The following BRICD5 variants were observed in gnomAD, a reference collection of about 807,000 sequenced individuals.
The protein encoded by BRICD5 is BRICHOS domain containing 5.
BRICD5 carries 51 observed loss-of-function variants against 28.4 expected under a neutral mutation model. That is an observed-to-expected ratio of 1.80 (90% CI 1.43 to 2.27). The LOEUF is 2.27. Among genes scored for constraint, BRICD5 ranks in the 30% most tolerant of loss-of-function variants. The pLI, the probability that BRICD5 is intolerant of heterozygous loss-of-function variation, is 0.00. For missense variants in BRICD5, 456 were observed against 309.6 expected (o/e 1.47, Z -3.55); for synonymous variants, 177 against 130.2 (o/e 1.36, Z -2.44).
rs1178440416 is a variant in BRICD5, at chr16:2,210,861, A to G, written c.-28T>C. On this transcript the variant is annotated 5_prime_UTR_variant, in exon 1 of 6. Transcript: ENST00000328540. ...TGCAGCCCCTGCTCACAATGTGCCG[A>G]TTGTCTGCGTCCCTTGTCTGCAGCC... The G allele has an allele frequency of 6.3e-7, 1 of 1,599,566 alleles. No individual in the cohort carries two copies. The highest frequency in any genetic ancestry group is 8.5e-7 in the Non-Finnish European group (1 of 1,179,740).
rs531921138 is a variant in BRICD5 at position 2,209,799 on chromosome 16, C to T, written c.439-93G>A. The T allele has an allele frequency of 2.0e-5, 29 of 1,424,062 alleles. No individual in the cohort carries two copies. The African/African-American group carries it at 2.7e-4, about 13-fold the overall frequency. The allele number at this position is 1,424,062 out of a possible 1,614,324, so 88.2% of individuals were successfully genotyped here. On this transcript the variant is annotated intron_variant, in intron 4 of 5. Coordinates refer to ENST00000328540, the MANE Select transcript of BRICD5 (RefSeq NM_182563.4). ...TACCCTCCAACCCCCAGTGATGTCCCCACCCTCAGCTCTTGTCAGCAGCCT... is the reference window on the plus strand; with the variant it reads ...TACCCTCCAACCCCCAGTGATGTCCTCACCCTCAGCTCTTGTCAGCAGCCT...
chr16:2,209,811 C>T, intron 4 of BRICD5, 105 bp from the exon 5 acceptor site: 1 of 1,414,624 alleles, frequency 7.1e-7, no homozygotes, highest in South Asian at 1.4e-5. Flanking sequence ...ACCCTCAGCT[C>T]TTGTCAGCAG....
chr16:2,210,660 C>T lies in BRICD5; in HGVS notation c.52-10G>A, dbSNP rs1192513412. 6.2e-7 allele frequency: 1 copy of T among 1,610,436 alleles called. No individual in the cohort carries two copies. Among genetic ancestry groups the T allele is most frequent in the Non-Finnish European group, 8.5e-7 (1 of 1,178,270 alleles). ...AGGGCTTGGTCTTCACCTGGGCGTG[C>T]ATCAGGGTCAGAAGGGTCATGAGGG... On this transcript the variant is annotated splice_polypyrimidine_tract_variant and intron_variant, in intron 1 of 5. Transcript: ENST00000328540.
Position 2,210,668 on chromosome 16 carries a change from T to G in BRICD5, c.52-18A>C, listed in dbSNP as rs779902576. 6.2e-7 allele frequency: 1 copy of G among 1,610,270 alleles called. No homozygotes were observed. Among genetic ancestry groups the G allele is most frequent in the Non-Finnish European group, 8.5e-7 (1 of 1,178,376 alleles). The stretch of plus-strand genomic sequence containing the variant: ...GTCTTCACCTGGGCGTGCATCAGGG[T>G]CAGAAGGGTCATGAGGGTTAGACAT... On this transcript the variant is annotated intron_variant, in intron 1 of 5. Coordinates refer to ENST00000328540, the MANE Select transcript of BRICD5 (RefSeq NM_182563.4).
rs1034187147 is a variant in BRICD5 at position 2,210,795 on chromosome 16, A to C, written c.39T>G (p.Pro13=). 9 of 1,605,724 alleles carry C rather than the reference A, an allele frequency of 5.6e-6. No individual in the cohort carries two copies. The highest frequency in any genetic ancestry group is 7.6e-6 in the Non-Finnish European group (9 of 1,179,928). ...PASCCAERPK[P]GPTGVKTKPS... is the part of the protein sequence containing the mutation. ...GGGAGGCACTCACCCCTGTAGGCCCAGGTTTGGGGCGCTCAGCACAGCAGC... is the reference window on the plus strand; with the variant it reads ...GGGAGGCACTCACCCCTGTAGGCCCCGGTTTGGGGCGCTCAGCACAGCAGC... Residue 13 remains proline, a synonymous_variant, in exon 1 of 6, where the codon CCT becomes CCG. Coordinates refer to ENST00000328540, the MANE Select transcript of BRICD5 (RefSeq NM_182563.4).
Position 2,210,239 on chromosome 16 carries a change from T to G in BRICD5, c.223A>C (p.Met75Leu). The G allele has an allele frequency of 3.2e-6, 5 of 1,559,654 alleles. No homozygotes were observed. Among genetic ancestry groups the G allele is most frequent in the Non-Finnish European group, 4.3e-6 (5 of 1,154,714 alleles). ...TLRMTLPSPH[M>L]PRPNQTILVD... is the part of the protein sequence containing the mutation. ...AGGATGGTTTGGTTGGGCCGGGGCA[T>G]GTGGGGGCTCGGGAGGGTCATTCGC... The change falls in exon 3 of 6, where the codon ATG becomes CTG. Residue 75 changes from methionine to leucine, a missense_variant. Met to Leu is a conservative substitution (Grantham distance 15). Coordinates refer to ENST00000328540, the MANE Select transcript of BRICD5 (RefSeq NM_182563.4).
In BRICD5 at chr16:2,209,721, C is replaced by T. The variant is rs774437057; in HGVS notation, c.439-15G>A. ...GCCTCTTGGACCTGTTGAGAAGGCT[C>T]TGGTGGGCGGTGGGACAGGGCTGCT... On this transcript the variant is annotated splice_polypyrimidine_tract_variant and intron_variant, in intron 4 of 5. Transcript: ENST00000328540. The T allele has an allele frequency of 6.3e-7, 1 of 1,595,824 alleles. No individual in the cohort carries two copies. The highest frequency in any genetic ancestry group is 8.6e-7 in the Non-Finnish European group (1 of 1,169,340).
In BRICD5 at chr16:2,210,377, C is replaced by A. The variant is rs569721982; in HGVS notation, c.181-96G>T. On this transcript the variant is annotated intron_variant, in intron 2 of 5. Coordinates refer to ENST00000328540, the MANE Select transcript of BRICD5 (RefSeq NM_182563.4). ...GGACTCCTGACACCCCTGAGTGGGCCCTTCCACCCCTTGGTCCTCTGGCTG... is the reference window on the plus strand; with the variant it reads ...GGACTCCTGACACCCCTGAGTGGGCACTTCCACCCCTTGGTCCTCTGGCTG... The A allele has an allele frequency of 2.9e-5, 44 of 1,531,204 alleles. No individual in the cohort carries two copies. The South Asian group carries it at 5.1e-4, about 18-fold the overall frequency. The allele number at this position is 1,531,204 out of a possible 1,614,324, so 94.9% of individuals were successfully genotyped here. A position where few individuals can be genotyped will look rare whatever the true frequency, so the allele number is the denominator to read the frequency against.
rs1414690473 is a variant in BRICD5, at chr16:2,210,186, G to A, written c.276C>T (p.Thr92=). The A allele has an allele frequency of 7.5e-6, 12 of 1,603,712 alleles. No individual in the cohort carries two copies. The highest frequency in any genetic ancestry group is 1.0e-5 in the Non-Finnish European group (12 of 1,176,670). Residue 92 remains threonine (T), a synonymous_variant, in exon 3 of 6, where the codon ACC becomes ACT. Coordinates refer to ENST00000328540, the MANE Select transcript of BRICD5 (RefSeq NM_182563.4). ...TGCTCTGAGGTGGGGTCACTGTGAT[G>A]GTCGCCGCGTTCCGGGCCACGTCCA... ...ILVDVARNAA[T]ITVTPPQSNH...
Position 2,209,694 on chromosome 16 carries a change from A to G in BRICD5, c.451T>C (p.Trp151Arg), listed in dbSNP as rs760060868. The G allele has an allele frequency of 1.2e-6, 2 of 1,611,492 alleles. No homozygotes were observed. Among genetic ancestry groups the G allele is most frequent in the Non-Finnish European group, 1.7e-6 (2 of 1,178,890 alleles). The change falls in exon 5 of 6, where the codon TGG becomes CGG. Residue 151 changes from tryptophan to arginine, a missense_variant. Transcript: ENST00000328540. ...TGGTGGGTGTCCTGGCTGGGGACCCAAGCCTCTTGGACCTGTTGAGAAGGC... is the reference window on the plus strand; with the variant it reads ...TGGTGGGTGTCCTGGCTGGGGACCCGAGCCTCTTGGACCTGTTGAGAAGGC... ...LVDTSKVQEA[W>R]VPSQDTHHTQ...
At chr16:2,210,745 C>G in intron 1 of BRICD5, 38 bp downstream of exon 1, 1 of 1,608,976 alleles carries the variant, frequency 6.2e-7, no homozygotes, top group Non-Finnish European at 8.5e-7. Context: ...TGGGGCACCC[C>G]CTGGGTCCTT....
Position 2,209,275 on chromosome 16 carries a change from T to G in BRICD5, c.*87A>C. The G allele has an allele frequency of 8.0e-7, 1 of 1,248,128 alleles. No individual in the cohort carries two copies. Among genetic ancestry groups the G allele is most frequent in the Non-Finnish European group, 1.1e-6 (1 of 873,270 alleles). The allele number at this position is 1,248,128 out of a possible 1,614,324, so 77.3% of individuals were successfully genotyped here. Reference sequence around the variant, plus strand: ...ATGGCCAGGTGGAAGGGTTTATTAGTCCCTGCCAGCAGCTGTCCTCCCTGG... The same window carrying G: ...ATGGCCAGGTGGAAGGGTTTATTAGGCCCTGCCAGCAGCTGTCCTCCCTGG... On this transcript the variant is annotated 3_prime_UTR_variant, in exon 6 of 6. Coordinates refer to ENST00000328540, the MANE Select transcript of BRICD5 (RefSeq NM_182563.4).
rs141159888 is a variant in BRICD5, at chr16:2,209,635, G to C, written c.510C>G (p.Leu170=). The part of the protein sequence containing the change: ...TQELLAVQGS[L]EVDPAQAGAL... The stretch of plus-strand genomic sequence containing the variant: ...CCCCCGCCTGGGCGGGGTCCACTTC[G>C]AGGCTCCCCTGCACTGCCAGCAGCT... The change falls in exon 5 of 6, where the codon CTC becomes CTG. Residue 170 remains leucine (L), a synonymous_variant. Transcript: ENST00000328540. 1.9e-6 allele frequency: 3 copies of C among 1,613,254 alleles called. No homozygotes were observed. The highest frequency in any genetic ancestry group is 1.7e-5 in the Admixed American group (1 of 59,998).
chr16:2,210,015 A>G lies in BRICD5; in HGVS notation c.373T>C (p.Cys125Arg), dbSNP rs761766985. 2.5e-6 allele frequency: 4 copies of G among 1,568,634 alleles called. No homozygotes were observed. In the South Asian group the frequency reaches 4.6e-5, roughly 18 times the overall value. ...ICYRPEEHQVCFLRLMEDSDR... is the reference protein window; with the variant it reads ...ICYRPEEHQVRFLRLMEDSDR... The stretch of plus-strand genomic sequence containing the variant: ...CTGTCCTCCATCAGGCGGAGGAAGC[A>G]GACCTGGTGCTCCTCAGGGCGGTAA... The change falls in exon 4 of 6, where the codon TGC becomes CGC. Residue 125 changes from cysteine to arginine, a missense_variant. By Grantham distance (180) the Cys-to-Arg change is radical (BLOSUM62 -3). Coordinates refer to ENST00000328540, the MANE Select transcript of BRICD5 (RefSeq NM_182563.4).
Position 2,209,978 on chromosome 16 carries a change from G to A in BRICD5, c.410C>T (p.Thr137Ile), listed in dbSNP as rs781555651. The A allele has an allele frequency of 1.9e-6, 3 of 1,538,578 alleles. No individual in the cohort carries two copies. The highest frequency in any genetic ancestry group is 2.6e-6 in the Non-Finnish European group (3 of 1,139,204). Residue 137 changes from threonine (T) to isoleucine (I), a missense_variant, in exon 4 of 6, where the codon ACC becomes ATC. Thr to Ile is a moderately conservative substitution (Grantham distance 89, BLOSUM62 -1). Transcript: ENST00000328540. ...GGAGGTATCCACCAGCAGCCGCAGG[G>A]TCTCCCGATCACTGTCCTCCATCAG... Reference protein sequence around the residue: ...LRLMEDSDRETLRLLVDTSKV... With the variant: ...LRLMEDSDREILRLLVDTSKV...
At position 2,209,592 on chromosome 16, in the gene BRICD5, A is replaced by G. The variant is rs1193680749; in HGVS notation, c.553T>C (p.Cys185Arg). The change falls in exon 5 of 6, where the codon TGC becomes CGC. Residue 185 changes from cysteine (C) to arginine (R), a missense_variant. Coordinates refer to ENST00000328540, the MANE Select transcript of BRICD5 (RefSeq NM_182563.4). Reference sequence around the variant, plus strand: ...GCCCAGTAGATGGGGGTCCTCATGCACAGGCGCTGCACCAAAGCCCCCGCC... The same window carrying G: ...GCCCAGTAGATGGGGGTCCTCATGCGCAGGCGCTGCACCAAAGCCCCCGCC... ...AQAGALVQRL[C>R]MRTPIYWARR... The G allele has an allele frequency of 6.2e-7, 1 of 1,612,352 alleles. No homozygotes were observed. The highest frequency in any genetic ancestry group is 8.5e-7 in the Non-Finnish European group (1 of 1,179,946).
Position 2,209,691 on chromosome 16 carries a change from C to T in BRICD5, c.454G>A (p.Val152Ile), listed in dbSNP as rs1386854908. The T allele has an allele frequency of 1.9e-6, 3 of 1,611,498 alleles. No homozygotes were observed. Among genetic ancestry groups the T allele is most frequent in the African/African-American group, 2.7e-5 (2 of 74,842 alleles). ...GTGTGGTGGGTGTCCTGGCTGGGGA[C>T]CCAAGCCTCTTGGACCTGTTGAGAA... Reference protein sequence around the residue: ...VDTSKVQEAWVPSQDTHHTQE... With the variant: ...VDTSKVQEAWIPSQDTHHTQE... The change falls in exon 5 of 6, where the codon GTC (valine) becomes ATC (isoleucine). Residue 152 changes from valine to isoleucine, a missense_variant. Transcript: ENST00000328540.
intron 4 of BRICD5, 47 bp downstream of exon 4, chr16:2,209,903 C>G: frequency 8.2e-6 from 12 of 1,469,450 alleles, no homozygotes; most frequent in Non-Finnish European, 1.1e-5. Context: ...ACACAGGACC[C>G]TTTGTCTAGC....
rs538121092 is a variant in BRICD5 at position 2,209,528 on chromosome 16, T to C, written c.592+25A>G. On this transcript the variant is annotated intron_variant, in intron 5 of 5. Transcript: ENST00000328540. ...CTCAAACCATCCCGAGGGCCTGGCCTTCCCCCACAGCGGTCCTGACTCACC... is the reference window on the plus strand; with the variant it reads ...CTCAAACCATCCCGAGGGCCTGGCCCTCCCCCACAGCGGTCCTGACTCACC... The C allele has an allele frequency of 6.8e-6, 11 of 1,612,498 alleles. No homozygotes were observed. The African/African-American group carries it at 1.3e-4, about 20-fold the overall frequency.
Sources: allele counts gnomAD v4.1 joint callset, GRCh38; gene constraint gnomAD v4.1.1; transcripts MANE v1.5; gene names NCBI Gene and HGNC (gene_info 2026-07-23, HGNC 2026-07-21).